Variants in SRGAP2C observed in about 807,000 individuals in gnomAD.
SRGAP2C encodes SLIT-ROBO Rho GTPase activating protein 2C, also known as SLIT-ROBO Rho GTPase-activating protein 2C.
Under a neutral mutation model 25.1 loss-of-function variants are expected in SRGAP2C, and 15 were observed. The observed-to-expected ratio is 0.60, with a 90% CI of 0.40 to 0.92. SRGAP2C has a LOEUF of 0.92. Ranked by LOEUF, SRGAP2C falls within the 40% of genes least tolerant of loss-of-function variation. SRGAP2C has a pLI of 0.00. For missense variants in SRGAP2C, 144 were observed against 264.4 expected, an observed-to-expected ratio of 0.54 and a Z score of 3.16; for synonymous variants, 44 against 96.6, an observed-to-expected ratio of 0.46 and a Z score of 3.19.
chr1:121,258,585 C>T (rs1387892841), intron 2 of SRGAP2C, among the ~76,000 whole-genome samples: 3 of 151,246 alleles, frequency 2.0e-5, no homozygotes, highest in Non-Finnish European at 4.4e-5. Flanking sequence ...CCTGCATCAG[C>T]CTCCTGAGTA....
At chr1:121,360,750 T>C (rs1366727310) in intron 4 of SRGAP2C, 10 of 105,228 alleles carry the variant, frequency 9.5e-5, no homozygotes, top group Non-Finnish European at 1.7e-4. Context: ...TGAATGCCCC[T>C]GAAACCACCA....
chr1:121,282,942 T>A (rs1487684249), intron 2 of SRGAP2C, among the ~76,000 whole-genome samples: 1 of 149,594 alleles, frequency 6.7e-6, no homozygotes, highest in Admixed American at 6.7e-5. Flanking sequence ...GCCCACCCAA[T>A]GGCTATTACT....
chr1:121,338,922 G>GA (rs1370254810), intron 4 of SRGAP2C, among the ~76,000 whole-genome samples: 1 of 146,624 alleles, frequency 6.8e-6, no homozygotes, highest in African/African-American at 2.5e-5. Context: ...GGCTATGAAA[G>GA]AAAAGAAAAA....
At position 121,337,596 on chromosome 1, in the gene SRGAP2C, T is replaced by C. The variant is rs1553342618; in HGVS notation, c.423+12956T>C. Among the ~76,000 whole-genome samples the C allele has an allele frequency of 4.7e-3, 718 of 151,580 alleles. 9 individuals carry two copies. The highest frequency in any genetic ancestry group is 0.016 in the African/African-American group (649 of 41,142). The stretch of plus-strand genomic sequence containing the variant: ...GCAGTGAGCCAAGATTGTGCCATTG[T>C]ACTCCAGCATGGGTGACAGAGCAAA... On this transcript the variant is annotated intron_variant, in intron 4 of 9. Transcript: ENST00000367123.
At chr1:121,286,088 A>T (rs1410472031) in intron 3 of SRGAP2C, among the ~76,000 whole-genome samples, 7 of 152,278 alleles carry the variant, frequency 4.6e-5, no homozygotes, top group African/African-American at 1.7e-4. Flanking sequence ...TGCAGCCCAC[A>T]GGCCATAGGT....
At chr1:121,378,430 T>C (rs1659725248) in intron 7 of SRGAP2C, among the ~76,000 whole-genome samples, 1 of 148,656 alleles carries the variant, frequency 6.7e-6, no homozygotes, top group Non-Finnish European at 1.5e-5. Context: ...TCTTTCACCA[T>C]AAATTAGTTT....
chr1:121,208,519 T>C (rs1204056220), intron 2 of SRGAP2C, among the ~76,000 whole-genome samples: 2 of 152,228 alleles, frequency 1.3e-5, no homozygotes, highest in African/African-American at 2.4e-5. Flanking sequence ...GGGTAAATGA[T>C]AAATAGCAAG....
At chr1:121,287,672 C>G (rs1291235019) in intron 3 of SRGAP2C, among the ~76,000 whole-genome samples, 1 of 152,246 alleles carries the variant, frequency 6.6e-6, no homozygotes, top group African/African-American at 2.4e-5. Flanking sequence ...CTTGGTCTCA[C>G]TGACTTCAAG....
chr1:121,329,338 C>G, intron 4 of SRGAP2C, among the ~76,000 whole-genome samples: 1 of 151,252 alleles, frequency 6.6e-6, no homozygotes, highest in South Asian at 2.1e-4. Context: ...GTATGTTGTA[C>G]AGAGAAGAGA....
intron 2 of SRGAP2C, among the ~76,000 whole-genome samples, chr1:121,217,635 G>A (rs1343849221): frequency 6.6e-6 from 1 of 152,044 alleles, no homozygotes; most frequent in Admixed American, 6.5e-5. Flanking sequence ...CTTTTTAGTT[G>A]TCTTTCTGCT....
At chr1:121,284,106 TC>T (rs1657308890) in intron 2 of SRGAP2C, among the ~76,000 whole-genome samples, 2 of 152,024 alleles carry the variant, frequency 1.3e-5, no homozygotes, top group African/African-American at 4.8e-5. Context: ...AAAATGATTT[TC>T]ATTCTGTGAT....
At chr1:121,347,141 A>T (rs1387321677) in intron 4 of SRGAP2C, among the ~76,000 whole-genome samples, 10 of 113,376 alleles carry the variant, frequency 8.8e-5, no homozygotes, top group Admixed American at 6.9e-4. Flanking sequence ...TTATTGGTTA[A>T]ATTCCCTACC....
chr1:121,191,088 A>C (rs587603167), intron 2 of SRGAP2C, among the ~76,000 whole-genome samples: 1 of 152,284 alleles, frequency 6.6e-6, no homozygotes, highest in Non-Finnish European at 1.5e-5. Flanking sequence ...CATGCCTCTC[A>C]ATGTCTGACT....
At chr1:121,377,079 G>A (rs1244210164) in intron 7 of SRGAP2C, among the ~76,000 whole-genome samples, 1 of 148,562 alleles carries the variant, frequency 6.7e-6, no homozygotes. Flanking sequence ...AGTCCAAGAA[G>A]CGAGGTATTT....
At chr1:121,274,004 A>C (rs1311045933) in intron 2 of SRGAP2C, among the ~76,000 whole-genome samples, 2 of 151,184 alleles carry the variant, frequency 1.3e-5, no homozygotes, top group African/African-American at 2.4e-5. Context: ...AGTTGTGTTC[A>C]TCTGGGGTGA....
At position 121,392,498 on chromosome 1, in the gene SRGAP2C, CAAAT is replaced by C. The variant is rs780299718; in HGVS notation, c.*4647_*4650del. The C allele has an allele frequency of 1.8e-4, 27 of 149,556 alleles. No homozygotes were observed. Among genetic ancestry groups the C allele is most frequent in the Non-Finnish European group, 3.1e-4 (21 of 67,504 alleles). 9.3% of individuals were successfully genotyped at this position (149,556 alleles called of 1,614,324 possible). On this transcript the variant is annotated 3_prime_UTR_variant, in exon 10 of 10. Coordinates refer to ENST00000367123, the MANE Select transcript of SRGAP2C (RefSeq NM_001329984.2). ...TTCTCTTTTGAGATTTATAGTCACTCAAATAAAGAGATAACCCAAACATAAGCGT... is the reference window on the plus strand; with the variant it reads ...TTCTCTTTTGAGATTTATAGTCACTCAAAGAGATAACCCAAACATAAGCGT...
In SRGAP2C at chr1:121,275,035, T is replaced by A. The variant is rs1474558183; in HGVS notation, c.68-9768T>A. On this transcript the variant is annotated intron_variant, in intron 2 of 9. Transcript: ENST00000367123. ...CATCTGTCATCCCCCTCGCTTCTGTTTAAATCCCCCCCACCCAAGGTCTCA... is the reference window on the plus strand; with the variant it reads ...CATCTGTCATCCCCCTCGCTTCTGTATAAATCCCCCCCACCCAAGGTCTCA... 1.6e-4 allele frequency among the ~76,000 whole-genome samples: 24 copies of A among 149,780 alleles called. 1 individual carries two copies. The East Asian group carries it at 4.9e-3, about 31-fold the overall frequency.
chr1:121,323,404 T>A (rs1223949469), intron 3 of SRGAP2C, among the ~76,000 whole-genome samples: 1 of 151,856 alleles, frequency 6.6e-6, no homozygotes, highest in Non-Finnish European at 1.5e-5. Context: ...TCACATGAGG[T>A]CGGGAGTTCA....
chr1:121,208,465 T>G (rs1383506726), intron 2 of SRGAP2C, among the ~76,000 whole-genome samples: 4 of 151,940 alleles, frequency 2.6e-5, no homozygotes, highest in Non-Finnish European at 5.9e-5. Context: ...TGATTAATAA[T>G]GGAGATTTGG....
Sources: gnomAD v4.1 joint callset for allele counts (sites outside exome capture counted in the v4.1 genomes callset) on GRCh38, gnomAD v4.1.1 for gene constraint, MANE v1.5 for transcripts, NCBI Gene and HGNC (gene_info 2026-07-23, HGNC 2026-07-21) for gene names.